Variants in ATP8B1 observed in about 807,000 individuals in gnomAD.
ATP8B1 encodes ATPase phospholipid transporting 8B1.
In ATP8B1, 80 loss-of-function variants were observed where a neutral mutation model predicts 149.9. The observed-to-expected ratio is 0.53, with a 90% CI of 0.45 to 0.64. The LOEUF is 0.64. Among genes scored for constraint, ATP8B1 ranks in the 30% least tolerant of loss-of-function variants. ATP8B1 has a pLI of 0.00. For synonymous variants in ATP8B1, 536 were observed against 562.8 expected, an observed-to-expected ratio of 0.95 and a Z score of 0.67; for missense variants, 1,247 against 1,552.6, an observed-to-expected ratio of 0.80 and a Z score of 3.31.
intron 2 of ATP8B1, among the ~76,000 whole-genome samples, chr18:57,708,946 G>A (rs748701037): frequency 5.9e-5 from 9 of 152,282 alleles, no homozygotes; most frequent in Admixed American, 1.3e-4. Flanking sequence ...GGTGCAGTGA[G>A]GGGTTACCAG....
intron 16 of ATP8B1, among the ~76,000 whole-genome samples, chr18:57,671,977 A>G (rs1360522663): frequency 2.0e-5 from 3 of 152,198 alleles, no homozygotes; most frequent in Admixed American, 6.5e-5. Context: ...AAATGTTACT[A>G]TCTCATAATT....
intron 12 of ATP8B1, among the ~76,000 whole-genome samples, chr18:57,689,128 C>T (rs1166713013): frequency 6.6e-6 from 1 of 152,188 alleles, no homozygotes; most frequent in East Asian, 1.9e-4. Flanking sequence ...GTTCAGAATA[C>T]ACAGCCCAGC....
intron 1 of ATP8B1, among the ~76,000 whole-genome samples, chr18:57,759,299 T>A (rs1253658167): frequency 6.6e-6 from 1 of 152,102 alleles, no homozygotes; most frequent in Non-Finnish European, 1.5e-5. Flanking sequence ...AGACTCAACT[T>A]TAACCTAAGG....
At chr18:57,689,160 C>G (rs1419216591) in intron 12 of ATP8B1, among the ~76,000 whole-genome samples, 1 of 152,182 alleles carries the variant, frequency 6.6e-6, no homozygotes, top group African/African-American at 2.4e-5. Context: ...CACAGCAACA[C>G]TGCAGACAGA....
chr18:57,651,491 C>T (rs1415624966), intron 26 of ATP8B1, among the ~76,000 whole-genome samples: 2 of 152,126 alleles, frequency 1.3e-5, no homozygotes, highest in Middle Eastern at 3.2e-3. Flanking sequence ...ACACGTACAG[C>T]GCTATTGTAA....
intron 1 of ATP8B1, among the ~76,000 whole-genome samples, chr18:57,798,194 C>A (rs1249706742): frequency 1.3e-5 from 2 of 152,120 alleles, no homozygotes; most frequent in African/African-American, 4.8e-5. Context: ...ACACAGGGAG[C>A]AATGAGCCTT....
intron 16 of ATP8B1, 87 bp downstream of exon 16, chr18:57,674,747 G>T: frequency 6.8e-7 from 1 of 1,461,180 alleles, no homozygotes; most frequent in East Asian, 2.3e-5. Context: ...TCTTTCACTG[G>T]CTGCTTTATC....
intron 2 of ATP8B1, among the ~76,000 whole-genome samples, chr18:57,713,224 CTTCCTTCCTTCCTTCCTTCTTTCT>C (rs1232770095): frequency 8.4e-6 from 1 of 118,626 alleles, no homozygotes; most frequent in African/African-American, 3.4e-5. Context: ...TCCTTCCTTC[CTTCCTTCCTTCCTTCCTTCTTTCT>C]TTCTTTCTTT....
At chr18:57,736,543 A>G (rs1238739302) in intron 1 of ATP8B1, among the ~76,000 whole-genome samples, 1 of 139,598 alleles carries the variant, frequency 7.2e-6, no homozygotes, top group Non-Finnish European at 1.5e-5. Flanking sequence ...TCATTGCAGC[A>G]TTGAACTCTT....
chr18:57,705,487 G>A (rs905746160), intron 3 of ATP8B1, among the ~76,000 whole-genome samples: 4 of 152,196 alleles, frequency 2.6e-5, no homozygotes, highest in Non-Finnish European at 1.5e-5. Context: ...TACGTGATTA[G>A]GACAGGCTCT....
Position 57,697,786 on chromosome 18 carries a change from T to C in ATP8B1, c.627+9A>G. 6.2e-7 allele frequency: 1 copy of C among 1,613,758 alleles called. No homozygotes were observed. Among genetic ancestry groups the C allele is most frequent in the Non-Finnish European group, 8.5e-7 (1 of 1,179,786 alleles). On this transcript the variant is annotated intron_variant, in intron 7 of 27. Transcript: ENST00000648908. ...CAAGGAACAAGAGAAGCAGAATTTGTTCACTTACTGGAACAAAATCATTTT... is the reference window on the plus strand; with the variant it reads ...CAAGGAACAAGAGAAGCAGAATTTGCTCACTTACTGGAACAAAATCATTTT...
chr18:57,677,037 A>C (rs938830167), intron 15 of ATP8B1, among the ~76,000 whole-genome samples: 2 of 152,174 alleles, frequency 1.3e-5, no homozygotes, highest in African/African-American at 4.8e-5. Flanking sequence ...AAAACCAATA[A>C]GAAGAGGAAT....
In ATP8B1 at chr18:57,653,525, A is replaced by G. The variant is rs534298865; in HGVS notation, c.3015+467T>C. On this transcript the variant is annotated intron_variant, in intron 24 of 27. Transcript: ENST00000648908. ...GGTCTCAAACTCCTGACCTGAAGCAATTTGCCTGCCTCAGCCTCCTAAAGT... is the reference window on the plus strand; with the variant it reads ...GGTCTCAAACTCCTGACCTGAAGCAGTTTGCCTGCCTCAGCCTCCTAAAGT... Among the ~76,000 whole-genome samples the G allele has an allele frequency of 5.9e-5, 9 of 151,810 alleles. No individual in the cohort carries two copies. The South Asian group carries it at 1.2e-3, about 21-fold the overall frequency.
intron 1 of ATP8B1, among the ~76,000 whole-genome samples, chr18:57,744,487 C>A (rs765621574): frequency 6.6e-5 from 10 of 151,848 alleles, no homozygotes; most frequent in Non-Finnish European, 1.2e-4. Context: ...TGTCATTTCC[C>A]CAGATGTTTA....
chr18:57,659,146 C>A (rs1406900930), intron 22 of ATP8B1, among the ~76,000 whole-genome samples: 3 of 152,052 alleles, frequency 2.0e-5, no homozygotes, highest in African/African-American at 7.2e-5. Context: ...CATGGTGGCT[C>A]ATGCCTGTAG....
chr18:57,661,926 G>A (rs149199663), intron 21 of ATP8B1, among the ~76,000 whole-genome samples: 3,759 of 151,830 alleles, frequency 0.025, 160 homozygotes, highest in African/African-American at 0.086. Context: ...CACCATATTG[G>A]CCAGGATGGT....
rs2080586582 is a variant in ATP8B1, at chr18:57,802,369, G to A, written c.-26+629C>T. 6.6e-6 allele frequency among the ~76,000 whole-genome samples: 1 copy of A among 152,120 alleles called. No individual in the cohort carries two copies. The highest frequency in any genetic ancestry group is 1.5e-5 in the Non-Finnish European group (1 of 68,016). Reference sequence around the variant, plus strand: ...CCCGACAGTCACCGGAAAAACAGTGGTGTCGGTCTTCCCCATCACCTCCCC... The same window carrying A: ...CCCGACAGTCACCGGAAAAACAGTGATGTCGGTCTTCCCCATCACCTCCCC... On this transcript the variant is annotated intron_variant, in intron 1 of 27. Transcript: ENST00000648908. The surrounding 1 kb of genome is among the most constrained non-coding windows in gnomAD (Gnocchi z 4.9).
At chr18:57,681,066 T>G (rs145126876) in intron 15 of ATP8B1, among the ~76,000 whole-genome samples, 1,880 of 152,286 alleles carry the variant, frequency 0.012, 28 homozygotes, top group Non-Finnish European at 0.02. Context: ...TCAGCTGACC[T>G]TAAAATAGAT....
intron 15 of ATP8B1, among the ~76,000 whole-genome samples, chr18:57,677,356 A>G (rs1911660977): frequency 6.6e-6 from 1 of 152,232 alleles, no homozygotes; most frequent in South Asian, 2.1e-4. Context: ...CCTACCCAAG[A>G]TCTTCTATTT....
Sources: allele counts gnomAD v4.1 joint callset (sites outside exome capture counted in the v4.1 genomes callset), GRCh38; gene constraint gnomAD v4.1.1; non-coding constraint Gnocchi (gnomAD v3.1); transcripts MANE v1.5; gene names NCBI Gene and HGNC (gene_info 2026-07-23, HGNC 2026-07-21).